TNR: variants seen among roughly 807,000 people sequenced by gnomAD.
TNR encodes the protein tenascin-R.
TNR carries 45 observed loss-of-function variants against 150.4 expected under a neutral mutation model. The ratio of observed to expected loss-of-function variants is 0.30; its 90% CI spans 0.24 to 0.38. TNR has a LOEUF of 0.38. TNR is among the 10% of genes least tolerant of loss of function. The pLI is 1.00. For synonymous variants in TNR, 687 were observed against 678.4 expected (o/e 1.01, Z -0.20); for missense variants, 1,544 against 1,759.1 (o/e 0.88, Z 2.19).
chr1:175,572,400 C>G (rs930029474), intron 1 of TNR, among the ~76,000 whole-genome samples: 41 of 151,972 alleles, frequency 2.7e-4, no homozygotes, highest in African/African-American at 9.2e-4. Context: ...CTTATGAAAC[C>G]AGAAGAGGCT....
intron 1 of TNR, among the ~76,000 whole-genome samples, chr1:175,578,445 G>A (rs1662209214): frequency 6.6e-6 from 1 of 152,172 alleles, no homozygotes; most frequent in Non-Finnish European, 1.5e-5. Context: ...ATGAAAAGGG[G>A]CTGTAAAGCA....
chr1:175,524,755 A>C (rs530062993), intron 2 of TNR, among the ~76,000 whole-genome samples: 2 of 152,352 alleles, frequency 1.3e-5, no homozygotes, highest in South Asian at 4.1e-4. Context: ...GATGCATCCA[A>C]TGCCATTACA....
At chr1:175,432,062 A>T (rs1655298084) in intron 2 of TNR, among the ~76,000 whole-genome samples, 1 of 151,922 alleles carries the variant, frequency 6.6e-6, no homozygotes, top group South Asian at 2.1e-4. Context: ...GCCTGTGGGG[A>T]GGGGGCCAGG....
chr1:175,723,070 A>G (rs1397766880), intron 1 of TNR, among the ~76,000 whole-genome samples: 1 of 152,230 alleles, frequency 6.6e-6, no homozygotes, highest in Non-Finnish European at 1.5e-5. Flanking sequence ...GACTACAGGC[A>G]TGAGTCACTG....
At chr1:175,405,451 G>A (rs1404378823) in intron 3 of TNR, among the ~76,000 whole-genome samples, 2 of 152,208 alleles carry the variant, frequency 1.3e-5, no homozygotes, top group African/African-American at 4.8e-5. Context: ...ATGTCTTGCA[G>A]AGAGGTAAAG....
rs570455047 is a variant in TNR, at chr1:175,588,449, T to A, written c.-164-60080A>T. 6.6e-5 allele frequency among the ~76,000 whole-genome samples: 10 copies of A among 152,354 alleles called. No homozygotes were observed. In the South Asian group the frequency reaches 1.9e-3, roughly 28 times the overall value. ...AAGCAAATTTGGCACTCCTGAAAGC[T>A]GCAGCCAAAAGACCATAGCATCATA... On this transcript the variant is annotated intron_variant, in intron 1 of 22. Coordinates refer to ENST00000367674, the MANE Select transcript of TNR (RefSeq NM_003285.3).
At chr1:175,567,601 A>G (rs1218781920) in intron 1 of TNR, among the ~76,000 whole-genome samples, 1 of 152,166 alleles carries the variant, frequency 6.6e-6, no homozygotes, top group African/African-American at 2.4e-5. Context: ...TCATATCAAG[A>G]ACTCTTTCTA....
At position 175,389,774 on chromosome 1, in the gene TNR, C is replaced by T. The variant is rs148290632; in HGVS notation, c.1507+1514G>A. On this transcript the variant is annotated intron_variant, in intron 7 of 22. Transcript: ENST00000367674. ...TCACACCTTTCTGCCCCCAAGTTAT[C>T]GAATGTCAACTCTTCAGGTTACAGC... 2.2e-3 allele frequency among the ~76,000 whole-genome samples: 331 copies of T among 152,284 alleles called. 2 individuals carry two copies. Among genetic ancestry groups the T allele is most frequent in the Middle Eastern group, 6.8e-3 (2 of 294 alleles).
At chr1:175,547,132 T>C (rs1392972423) in intron 1 of TNR, among the ~76,000 whole-genome samples, 6 of 152,210 alleles carry the variant, frequency 3.9e-5, no homozygotes, top group African/African-American at 1.4e-4. Flanking sequence ...TCCTCTGTCT[T>C]CAAGTAGGCC....
Position 175,396,540 on chromosome 1 carries a change from G to A in TNR, c.1240+4C>T, listed in dbSNP as rs371401778. 37 of 1,613,166 alleles carry A rather than the reference G, an allele frequency of 2.3e-5. No individual in the cohort carries two copies. Among genetic ancestry groups the A allele is most frequent in the Non-Finnish European group, 2.9e-5 (34 of 1,179,216 alleles). On this transcript the variant is annotated splice_donor_region_variant and intron_variant, in intron 5 of 22. Transcript: ENST00000367674. ...ATGAAGCAGGACGGGGAAATGGTAC[G>A]TACGGGTGGCCACCTTGGCAGTGAT...
At chr1:175,380,994 T>G (rs185887036) in intron 8 of TNR, among the ~76,000 whole-genome samples, 1 of 152,346 alleles carries the variant, frequency 6.6e-6, no homozygotes, top group East Asian at 1.9e-4. Flanking sequence ...GAGTGAGAAG[T>G]GTTCTGTTTA....
chr1:175,580,279 T>A (rs1157697026), intron 1 of TNR, among the ~76,000 whole-genome samples: 1 of 152,218 alleles, frequency 6.6e-6, no homozygotes, highest in Admixed American at 6.5e-5. Context: ...CTACCTTTTT[T>A]GTATGCCCCG....
chr1:175,405,919 A>G (rs1653935224), intron 3 of TNR, among the ~76,000 whole-genome samples: 1 of 152,170 alleles, frequency 6.6e-6, no homozygotes, highest in Non-Finnish European at 1.5e-5. Context: ...GAACCGATGA[A>G]CCATTACCTG....
At chr1:175,632,346 A>G (rs906606916) in intron 1 of TNR, among the ~76,000 whole-genome samples, 9 of 152,242 alleles carry the variant, frequency 5.9e-5, no homozygotes, top group African/African-American at 2.2e-4. Flanking sequence ...TCTGTAGGGC[A>G]TCAGTGTGGG....
At chr1:175,461,883 C>T (rs1432163332) in intron 2 of TNR, among the ~76,000 whole-genome samples, 6 of 152,178 alleles carry the variant, frequency 3.9e-5, no homozygotes, top group Admixed American at 6.5e-5. Flanking sequence ...CTAGGCAGAA[C>T]GAGGACTTGG....
At chr1:175,688,342 G>A (rs1666260226) in intron 1 of TNR, among the ~76,000 whole-genome samples, 1 of 152,254 alleles carries the variant, frequency 6.6e-6, no homozygotes, top group Admixed American at 6.5e-5. Flanking sequence ...AAGAGGCCGG[G>A]AAGAAAGGAG....
Position 175,406,237 on chromosome 1 carries a change from A to G in TNR, c.478T>C (p.Cys160Arg). 2 of 1,613,962 alleles carry G rather than the reference A, an allele frequency of 1.2e-6. No homozygotes were observed. The highest frequency in any genetic ancestry group is 2.2e-5 in the South Asian group (2 of 91,042). The change falls in exon 3 of 23, where the codon TGC becomes CGC. Residue 160 changes from cysteine to arginine, a missense_variant. Transcript: ENST00000367674. ...VLRDQCNANC[C>R]QESAATGQLD... ...CTACCTGTGGCAGCACTTTCTTGGC[A>G]GCAGTTGGCGTTGCACTGGTCTCGC...
At chr1:175,332,497 C>T (rs1380751959) in intron 20 of TNR, among the ~76,000 whole-genome samples, 2 of 152,158 alleles carry the variant, frequency 1.3e-5, no homozygotes, top group Admixed American at 6.5e-5. Context: ...AGTGTTATCC[C>T]CAACTTGAGT....
At chr1:175,325,705 C>T (rs1649341768) in intron 21 of TNR, among the ~76,000 whole-genome samples, 1 of 152,204 alleles carries the variant, frequency 6.6e-6, no homozygotes, top group African/African-American at 2.4e-5. Flanking sequence ...AGAATGAGTT[C>T]ATGTCCTTTG....
Sources: gnomAD v4.1 joint callset for allele counts (sites outside exome capture counted in the v4.1 genomes callset) on GRCh38, gnomAD v4.1.1 for gene constraint, MANE v1.5 for transcripts, NCBI Gene and HGNC (gene_info 2026-07-23, HGNC 2026-07-21) for gene names.